Variants in PMPCB observed in about 807,000 individuals in gnomAD.
PMPCB encodes the protein peptidase, mitochondrial processing subunit beta.
In PMPCB, 46 loss-of-function variants were observed where a neutral mutation model predicts 61.5. That is an observed-to-expected ratio of 0.75 (90% confidence interval 0.59 to 0.96). PMPCB has a LOEUF of 0.96. Ranked by LOEUF, PMPCB falls within the 40% of genes least tolerant of loss-of-function variation. PMPCB has a pLI of 0.00. For missense variants in PMPCB, 590 were observed against 602.4 expected (o/e 0.98, Z 0.22); for synonymous variants, 191 against 201.6 (o/e 0.95, Z 0.44).
At position 103,312,814 on chromosome 7, in the gene PMPCB, A is replaced by C. The variant is rs1331883836; in HGVS notation, c.*543A>C. The C allele has an allele frequency of 1.3e-6, 2 of 1,516,932 alleles. No homozygotes were observed. Among genetic ancestry groups the C allele is most frequent in the Middle Eastern group, 1.8e-4 (1 of 5,568 alleles). The allele number at this position is 1,516,932 out of a possible 1,614,324, so 94.0% of individuals were successfully genotyped here. A position where few individuals can be genotyped will look rare whatever the true frequency, so the allele number is the denominator to read the frequency against. Reference sequence around the variant, plus strand: ...CTAAGGTTGCTCATTTCTTCCTCATAATATTGACCCCATAACTACTGGTTT... The same window carrying C: ...CTAAGGTTGCTCATTTCTTCCTCATCATATTGACCCCATAACTACTGGTTT... On this transcript the variant is annotated 3_prime_UTR_variant, in exon 13 of 13. Transcript: ENST00000249269.
At chr7:103,297,673 C>G in intron 1 of PMPCB, 115 bp downstream of exon 1, 1 of 1,541,960 alleles carries the variant, frequency 6.5e-7, no homozygotes, top group Non-Finnish European at 8.7e-7. Flanking sequence ...CTCCTCGACC[C>G]GGACCCGCCG....
intron 6 of PMPCB, among the ~76,000 whole-genome samples, chr7:103,305,459 A>G (rs1160330123): frequency 5.9e-5 from 9 of 152,070 alleles, no homozygotes; most frequent in East Asian, 1.9e-4. Context: ...ATTCTTAACT[A>G]TGTTGCCCAG....
chr7:103,307,680 T>C lies in PMPCB; in HGVS notation c.821T>C (p.Leu274Pro). 1.2e-6 allele frequency: 2 copies of C among 1,611,160 alleles called. No individual in the cohort carries two copies. The highest frequency in any genetic ancestry group is 1.7e-6 in the Non-Finnish European group (2 of 1,177,306). The change falls in exon 7 of 13, where the codon CTG becomes CCG. Residue 274 changes from leucine (L) to proline (P), a missense_variant. By Grantham distance (98) the Leu-to-Pro change is moderately conservative. Transcript: ENST00000249269. ...ACACACAAAGGAGAAATACCAGCTC[T>C]GCCTCCCTGCAAATTCACAGGAAGT... The part of the protein sequence containing the change: ...LCTHKGEIPA[L>P]PPCKFTGSEI...
chr7:103,336,352 A>AT, the PMPCB span: 5 of 152,080 alleles, frequency 3.3e-5, no homozygotes, highest in African/African-American at 1.2e-4. Flanking sequence ...ATGCTATTCT[A>AT]TTTTTTCGGA....
At position 103,298,030 on chromosome 7, in the gene PMPCB, A is replaced by G. The variant is rs73712303; in HGVS notation, c.99+472A>G. 1,519 of 828,298 alleles carry G rather than the reference A, an allele frequency of 1.8e-3. 12 individuals are homozygous for G. In the African/African-American group the frequency reaches 0.026, roughly 14 times the overall value. The allele number at this position is 828,298 out of a possible 1,614,324, so 51.3% of individuals were successfully genotyped here. A position where few individuals can be genotyped will look rare whatever the true frequency, so the allele number is the denominator to read the frequency against. On this transcript the variant is annotated intron_variant, in intron 1 of 12. Transcript: ENST00000249269. ...AAGCAAAGGGATGTGAGACTTTTGT[A>G]TAAGGGCAAAGAAAAACTGCTGAAA...
chr7:103,304,189 T>C (rs1817519897), intron 5 of PMPCB, 149 bp downstream of exon 5: 1 of 689,660 alleles, frequency 1.4e-6, no homozygotes, highest in Admixed American at 2.8e-5. Flanking sequence ...TAGTCCCACC[T>C]AGCTCCCAAG....
At chr7:103,300,357 G>A (rs752368423) in intron 4 of PMPCB, 50 bp downstream of exon 4, 14 of 1,400,096 alleles carry the variant, frequency 1.0e-5, no homozygotes, top group African/African-American at 1.4e-5. Flanking sequence ...TGAGAATCAG[G>A]AATTATTTAG....
chr7:103,306,376 T>C (rs1817575783), intron 6 of PMPCB, among the ~76,000 whole-genome samples: 1 of 151,278 alleles, frequency 6.6e-6, no homozygotes, highest in Non-Finnish European at 1.5e-5. Flanking sequence ...ATTTTGTTCC[T>C]GAGTTCTTTT....
chr7:103,329,836 T>G (rs971274104), downstream of PMPCB, among the ~76,000 whole-genome samples: 1 of 152,190 alleles, frequency 6.6e-6, no homozygotes, highest in Non-Finnish European at 1.5e-5. Flanking sequence ...GTCACTTAAC[T>G]CTCTTTTGCT....
At chr7:103,346,228 G>A in the PMPCB span, among the ~76,000 whole-genome samples, 1 of 152,130 alleles carries the variant, frequency 6.6e-6, no homozygotes, top group Middle Eastern at 3.4e-3. Flanking sequence ...TGCCTCCCAG[G>A]TTCAAGCGAT....
intron 4 of PMPCB, among the ~76,000 whole-genome samples, chr7:103,301,427 C>G (rs1371202368): frequency 6.6e-6 from 1 of 152,232 alleles, no homozygotes; most frequent in African/African-American, 2.4e-5. Flanking sequence ...GGACCAAGAA[C>G]ATATGGCTAG....
Position 103,313,343 on chromosome 7 carries a change from C to CCTTGTACT in PMPCB, c.*1073_*1080dup. 9.2e-6 allele frequency: 11 copies of CCTTGTACT among 1,199,496 alleles called. No individual in the cohort carries two copies. The highest frequency in any genetic ancestry group is 1.1e-5 in the Non-Finnish European group (11 of 967,282). 74.3% of individuals were successfully genotyped at this position (1,199,496 alleles called of 1,614,324 possible). ...TTTAAAACACAATAGTAAAGATCTA[C>CCTTGTACT]CTTGTACTGTTTATCTCTTAAAAAT... On this transcript the variant is annotated 3_prime_UTR_variant, in exon 13 of 13. Coordinates refer to ENST00000249269, the MANE Select transcript of PMPCB (RefSeq NM_004279.3).
intron 12 of PMPCB, chr7:103,322,908 G>T: frequency 3.6e-6 from 3 of 829,734 alleles, no homozygotes; most frequent in South Asian, 1.8e-5. Flanking sequence ...TTAAAATGCT[G>T]TGTCATTACT....
chr7:103,344,482 G>T, the PMPCB span: 2 of 1,539,884 alleles, frequency 1.3e-6, no homozygotes, highest in Non-Finnish European at 9.0e-7. Context: ...GGTAGAGAGA[G>T]CCCAGGGTTG....
chr7:103,346,318 A>G, the PMPCB span, among the ~76,000 whole-genome samples: 1 of 152,110 alleles, frequency 6.6e-6, no homozygotes, highest in Non-Finnish European at 1.5e-5. Context: ...TTTGTAGTAG[A>G]GACGGGGTTT....
intron 6 of PMPCB, among the ~76,000 whole-genome samples, chr7:103,305,136 A>C (rs1211474215): frequency 3.9e-5 from 6 of 152,282 alleles, no homozygotes; most frequent in African/African-American, 1.4e-4. Context: ...TTGAGAACCA[A>C]CTTCGTCCTT....
At chr7:103,297,994 C>A in intron 1 of PMPCB, 1 of 1,108,964 alleles carries the variant, frequency 9.0e-7, no homozygotes, top group Non-Finnish European at 1.1e-6. Flanking sequence ...CATGAGAGAG[C>A]CTCTGACTTT....
chr7:103,298,685 G>C lies in PMPCB; in HGVS notation c.217G>C (p.Asp73His). The C allele has an allele frequency of 6.2e-7, 1 of 1,614,132 alleles. No individual in the cohort carries two copies. The highest frequency in any genetic ancestry group is 8.5e-7 in the Non-Finnish European group (1 of 1,179,954). The change falls in exon 2 of 13, where the codon GAC becomes CAC. Residue 73 changes from aspartate (D) to histidine (H), a missense_variant. By Grantham distance (81) the Asp-to-His change is moderately conservative. Coordinates refer to ENST00000249269, the MANE Select transcript of PMPCB (RefSeq NM_004279.3). ...LESGLRVASE[D>H]SGLSTCTVGL... Reference sequence around the variant, plus strand: ...AAGTGGACTCAGAGTAGCTTCGGAAGACTCTGGGCTCTCAACATGCACAGT... The same window carrying C: ...AAGTGGACTCAGAGTAGCTTCGGAACACTCTGGGCTCTCAACATGCACAGT...
rs1817358832 is a variant in PMPCB, at chr7:103,298,591, A to T, written c.123A>T (p.Arg41Ser). The stretch of plus-strand genomic sequence containing the variant: ...AGTCATTATATTTTGGAGAGAACAG[A>T]TTAAGAAGTACACAGGCTGCTACCC... Reference protein sequence around the residue: ...AGRSLYFGENRLRSTQAATQV... With the variant: ...AGRSLYFGENSLRSTQAATQV... Residue 41 changes from arginine (R) to serine (S), a missense_variant, in exon 2 of 13, where the codon AGA becomes AGT. By Grantham distance (110) the Arg-to-Ser change is moderately radical (BLOSUM62 -1). Transcript: ENST00000249269. 1 of 1,614,006 alleles carries T rather than the reference A, an allele frequency of 6.2e-7. No individual in the cohort carries two copies. Among genetic ancestry groups the T allele is most frequent in the African/African-American group, 1.3e-5 (1 of 74,928 alleles).
Sources: allele counts gnomAD v4.1 joint callset (sites outside exome capture counted in the v4.1 genomes callset), GRCh38; gene constraint gnomAD v4.1.1; transcripts MANE v1.5; gene names NCBI Gene and HGNC (gene_info 2026-07-23, HGNC 2026-07-21).